CSMD1: variants seen among roughly 807,000 people sequenced by gnomAD.
The protein encoded by CSMD1 is CUB and Sushi multiple domains 1.
CSMD1 carries 213 observed loss-of-function variants against 417.5 expected under a neutral mutation model. The ratio of observed to expected loss-of-function variants is 0.51; its 90% confidence interval spans 0.46 to 0.57. The LOEUF (loss-of-function observed/expected upper bound fraction) is 0.57. Among genes scored for constraint, CSMD1 ranks in the 20% least tolerant of loss-of-function variants. The pLI, the probability that CSMD1 is intolerant of heterozygous loss-of-function variation, is 0.00. For synonymous variants in CSMD1, 2,862 were observed against 1,736.8 expected (o/e 1.65, Z -16.11); for missense variants, 6,923 against 4,529.7 (o/e 1.53, Z -15.17).
intron 5 of CSMD1, among the ~76,000 whole-genome samples, chr8:3,765,952 G>A (rs1232404471): frequency 6.6e-6 from 1 of 152,336 alleles, no homozygotes; most frequent in Non-Finnish European, 1.5e-5. Context: ...CTGGATGCCA[G>A]CAAATCAGGC....
intron 5 of CSMD1, among the ~76,000 whole-genome samples, chr8:3,799,702 C>CCCT (rs149241913): frequency 0.03 from 4,566 of 151,938 alleles, 172 homozygotes; most frequent in African/African-American, 0.084. Flanking sequence ...GTTAAGTCTG[C>CCCT]CAGCTGAACG....
chr8:4,224,236 A>C (rs1801212402), intron 3 of CSMD1, among the ~76,000 whole-genome samples: 1 of 80 alleles, frequency 0.013, no homozygotes, highest in African/African-American at 0.056. Context: ...CTTTTTCAGA[A>C]AAAAAAAATA....
intron 1 of CSMD1, among the ~76,000 whole-genome samples, chr8:4,655,083 G>C (rs1379815609): frequency 2.0e-5 from 3 of 150,922 alleles, no homozygotes; most frequent in East Asian, 3.9e-4. Context: ...TCCATCAAAG[G>C]AGACCTATTA....
chr8:4,249,691 G>T (rs916560408), intron 3 of CSMD1, among the ~76,000 whole-genome samples: 1 of 152,150 alleles, frequency 6.6e-6, no homozygotes, highest in African/African-American at 2.4e-5. Context: ...CGCTGTTGTA[G>T]CGAAATAAAG....
chr8:4,523,790 G>A (rs950027387), intron 2 of CSMD1, among the ~76,000 whole-genome samples: 4 of 152,152 alleles, frequency 2.6e-5, no homozygotes, highest in African/African-American at 9.7e-5. Context: ...GCAGAGCAAT[G>A]TATACAAATA....
chr8:4,872,862 G>C (rs573107006), intron 1 of CSMD1, among the ~76,000 whole-genome samples: 1 of 152,164 alleles, frequency 6.6e-6, no homozygotes, highest in Non-Finnish European at 1.5e-5. Flanking sequence ...CTGGATATTG[G>C]CTCATACTGG....
intron 7 of CSMD1, among the ~76,000 whole-genome samples, chr8:3,619,514 C>T (rs1249606556): frequency 6.6e-6 from 1 of 151,890 alleles, no homozygotes; most frequent in Non-Finnish European, 1.5e-5. Flanking sequence ...GAATTTACAA[C>T]AACAATTATA....
At chr8:3,226,581 C>CAAAAAA in intron 27 of CSMD1, among the ~76,000 whole-genome samples, 1 of 67,730 alleles carries the variant, frequency 1.5e-5, no homozygotes, top group Non-Finnish European at 3.3e-5. Flanking sequence ...GACTCTGTCT[C>CAAAAAA]AAAAAAAAAA....
At chr8:3,086,967 C>T in intron 49 of CSMD1, 130 bp downstream of exon 49, 1 of 834,484 alleles carries the variant, frequency 1.2e-6, no homozygotes, top group Admixed American at 2.5e-5. Context: ...TTAATTCGTA[C>T]TGTTATAAGC....
At chr8:4,382,777 T>C (rs1048665303) in intron 3 of CSMD1, among the ~76,000 whole-genome samples, 5 of 152,176 alleles carry the variant, frequency 3.3e-5, no homozygotes, top group Non-Finnish European at 7.4e-5. Flanking sequence ...AAACACAAAA[T>C]AATAATGATG....
chr8:3,820,743 T>G (rs993385879), intron 5 of CSMD1, among the ~76,000 whole-genome samples: 1 of 151,908 alleles, frequency 6.6e-6, no homozygotes, highest in Non-Finnish European at 1.5e-5. Flanking sequence ...GCCTGGCAAA[T>G]TGTTGTATTT....
chr8:4,160,722 G>T (rs1426842008), intron 3 of CSMD1, among the ~76,000 whole-genome samples: 2 of 152,202 alleles, frequency 1.3e-5, no homozygotes, highest in Non-Finnish European at 2.9e-5. Flanking sequence ...GTGGCAAGTT[G>T]CAATTATTTT....
chr8:3,503,841 C>CG (rs1381726727), intron 10 of CSMD1, among the ~76,000 whole-genome samples: 7,155 of 150,062 alleles, frequency 0.048, 248 homozygotes, highest in African/African-American at 0.078. Context: ...TTGCCCCCCC[C>CG]CAACCCCCAC....
At chr8:3,488,921 AT>A (rs145441065) in intron 11 of CSMD1, among the ~76,000 whole-genome samples, 2,821 of 152,232 alleles carry the variant, frequency 0.019, 103 homozygotes, top group African/African-American at 0.064. Context: ...ATGTTTTCTG[AT>A]TTTTTTAAAA....
intron 12 of CSMD1, among the ~76,000 whole-genome samples, chr8:3,467,773 T>A (rs745844833): frequency 1.3e-5 from 2 of 152,232 alleles, no homozygotes; most frequent in Non-Finnish European, 2.9e-5. Flanking sequence ...ACCATGCTTG[T>A]TGATTTAGGA....
intron 11 of CSMD1, among the ~76,000 whole-genome samples, chr8:3,476,616 C>G (rs1469819732): frequency 6.6e-6 from 1 of 152,060 alleles, no homozygotes; most frequent in Non-Finnish European, 1.5e-5. Flanking sequence ...CCCAAAATTA[C>G]AAGGATAAAT....
intron 3 of CSMD1, among the ~76,000 whole-genome samples, chr8:4,127,813 C>T (rs1802855623): frequency 6.6e-6 from 1 of 152,134 alleles, no homozygotes; most frequent in Admixed American, 6.5e-5. Context: ...TTTGTACTAT[C>T]ATTATTTATC....
At chr8:4,831,357 T>A (rs1800138597) in intron 1 of CSMD1, among the ~76,000 whole-genome samples, 1 of 152,172 alleles carries the variant, frequency 6.6e-6, no homozygotes, top group Non-Finnish European at 1.5e-5. Flanking sequence ...ATAATTAACA[T>A]CCTTATTCTT....
intron 23 of CSMD1, among the ~76,000 whole-genome samples, chr8:3,328,199 C>T (rs1806660371): frequency 6.6e-6 from 1 of 152,226 alleles, no homozygotes; most frequent in Non-Finnish European, 1.5e-5. Context: ...ACCGATGCCT[C>T]CTTCTGTGTC....
Sources: allele counts gnomAD v4.1 joint callset (sites outside exome capture counted in the v4.1 genomes callset), GRCh38; gene constraint gnomAD v4.1.1; transcripts MANE v1.5; gene names NCBI Gene and HGNC (gene_info 2026-07-23, HGNC 2026-07-21).